The following STK17B variants were observed in gnomAD, a reference collection of about 807,000 sequenced individuals.
The protein encoded by STK17B is serine/threonine-protein kinase 17B.
In STK17B, 21 loss-of-function variants were observed where a neutral mutation model predicts 42.0. That is an observed-to-expected ratio of 0.50 (90% CI 0.35 to 0.72). The LOEUF (loss-of-function observed/expected upper bound fraction) is 0.72. Ranked by LOEUF, STK17B falls within the 30% of genes least tolerant of loss-of-function variation. The pLI is 0.00. For missense variants in STK17B, 349 were observed against 446.0 expected, an observed-to-expected ratio of 0.78 and a Z score of 1.96; for synonymous variants, 143 against 148.4, an observed-to-expected ratio of 0.96 and a Z score of 0.26.
intron 4 of STK17B, among the ~76,000 whole-genome samples, chr2:196,144,677 AAG>A (rs1192424943): frequency 6.6e-6 from 1 of 152,022 alleles, no homozygotes; most frequent in East Asian, 1.9e-4. Flanking sequence ...CTTAGACAAT[AAG>A]AGGGCATAGT....
rs529006653 is a variant in STK17B at position 196,143,110 on chromosome 2, A to T, written c.607+450T>A. Among the ~76,000 whole-genome samples, 76 of 152,322 alleles carry T rather than the reference A, an allele frequency of 5.0e-4. 1 individual carries two copies. The highest frequency in any genetic ancestry group is 4.1e-3 in the Admixed American group (62 of 15,300). ...ACAAAAATGAGGTGGCCGGCTAACA[A>T]TTCCTGTAAGTTTAAACTGAAGATA... On this transcript the variant is annotated intron_variant, in intron 5 of 7. Coordinates refer to ENST00000263955, the MANE Select transcript of STK17B (RefSeq NM_004226.4).
intron 1 of STK17B, among the ~76,000 whole-genome samples, chr2:196,166,792 T>C (rs552946425): frequency 3.7e-4 from 57 of 152,334 alleles, no homozygotes; most frequent in African/African-American, 1.3e-3. Context: ...CAAGACTATC[T>C]CTATAAACCT....
intron 3 of STK17B, among the ~76,000 whole-genome samples, chr2:196,150,619 A>G (rs1329240633): frequency 5.3e-5 from 8 of 152,334 alleles, no homozygotes; most frequent in African/African-American, 1.2e-4. Flanking sequence ...GAGAGCCAAG[A>G]TTTTCAGTAA....
intron 1 of STK17B, among the ~76,000 whole-genome samples, chr2:196,170,307 T>C (rs986753560): frequency 3.9e-5 from 6 of 152,200 alleles, no homozygotes; most frequent in Non-Finnish European, 8.8e-5. Context: ...AAACGTAAAG[T>C]GGCCACACCA....
intron 2 of STK17B, 60 bp from the exon 3 acceptor site, chr2:196,156,711 T>C (rs993668951): frequency 2.3e-6 from 3 of 1,299,406 alleles, no homozygotes; most frequent in Admixed American, 2.2e-5. Context: ...GTTAGTATAT[T>C]ACAGATTCTG....
rs1325824077 is a variant in STK17B at position 196,136,002 on chromosome 2, A to T, written c.*1445T>A. The T allele has an allele frequency of 6.6e-6, 1 of 152,172 alleles. No individual in the cohort carries two copies. Among genetic ancestry groups the T allele is most frequent in the Non-Finnish European group, 1.5e-5 (1 of 68,046 alleles). 9.4% of individuals were successfully genotyped at this position (152,172 alleles called of 1,614,324 possible). ...AGGAATTCACCATGTGGTCAAATAA[A>T]GTGACCTGATAGTTATTCAAAAAGT... On this transcript the variant is annotated 3_prime_UTR_variant, in exon 8 of 8. Transcript: ENST00000263955.
Position 196,138,122 on chromosome 2 carries a change from C to T in STK17B, c.837-393G>A, listed in dbSNP as rs552512529. Among the ~76,000 whole-genome samples the T allele has an allele frequency of 1.1e-4, 17 of 152,260 alleles. 1 individual carries two copies. The South Asian group carries it at 3.5e-3, about 32-fold the overall frequency. On this transcript the variant is annotated intron_variant, in intron 7 of 7. Transcript: ENST00000263955. The stretch of plus-strand genomic sequence containing the variant: ...TCGTCTGTGCTTTTAAGCATTACAC[C>T]ATATTATCTCTCATGAAGATAAAAA...
chr2:196,137,547 T>C lies in STK17B; in HGVS notation c.1019A>G (p.Lys340Arg). The change falls in exon 8 of 8, where the codon AAA (lysine) becomes AGA (arginine). Residue 340 changes from lysine (K) to arginine (R), a missense_variant. By Grantham distance (26) the Lys-to-Arg change is conservative. Around this residue, in one of 3 missense-constraint regions of STK17B, gnomAD observed 87 missense variants for 78.8 expected, o/e 1.10. Transcript: ENST00000263955. ...GCTGCTATCCTCTGGGATATTCTCT[T>C]TGTCTTCTCTATCACCACAGGTTCC... Reference protein sequence around the residue: ...CNGTCGDREDKENIPEDSSMV... With the variant: ...CNGTCGDREDRENIPEDSSMV... 1.2e-6 allele frequency: 2 copies of C among 1,614,116 alleles called. No individual in the cohort carries two copies. Among genetic ancestry groups the C allele is most frequent in the African/African-American group, 2.7e-5 (2 of 75,060 alleles).
Position 196,133,814 on chromosome 2 carries a change from AG to A in STK17B, c.*3632del, listed in dbSNP as rs1699356528. The A allele has an allele frequency of 6.6e-6, 1 of 152,230 alleles. No individual in the cohort carries two copies. The highest frequency in any genetic ancestry group is 2.1e-4 in the South Asian group (1 of 4,834). 9.4% of individuals were successfully genotyped at this position (152,230 alleles called of 1,614,324 possible). On this transcript the variant is annotated 3_prime_UTR_variant, in exon 8 of 8. Coordinates refer to ENST00000263955, the MANE Select transcript of STK17B (RefSeq NM_004226.4). Reference sequence around the variant, plus strand: ...AATGTCTGTCTATATGCCTTAAGCAAGATTATTATTTAATAAAATATGGCAG... The same window carrying A: ...AATGTCTGTCTATATGCCTTAAGCAAATTATTATTTAATAAAATATGGCAG...
At chr2:196,153,730 A>C (rs1399113638) in intron 3 of STK17B, 1 of 152,138 alleles carries the variant, frequency 6.6e-6, no homozygotes, top group Non-Finnish European at 1.5e-5. Flanking sequence ...ATTATATCAA[A>C]AGGACATAGG....
chr2:196,159,590 A>G (rs1345614968), intron 2 of STK17B, among the ~76,000 whole-genome samples: 1 of 152,188 alleles, frequency 6.6e-6, no homozygotes, highest in Non-Finnish European at 1.5e-5. Context: ...GAAATTTTAC[A>G]GGCATGAGCC....
At chr2:196,161,355 A>G (rs1171054648) in intron 2 of STK17B, among the ~76,000 whole-genome samples, 2 of 152,042 alleles carry the variant, frequency 1.3e-5, no homozygotes, top group Non-Finnish European at 2.9e-5. Context: ...AAGATTTAGA[A>G]CAATTTCTTA....
chr2:196,174,361 A>G (rs1412221994), upstream of STK17B: 1 of 152,312 alleles, frequency 6.6e-6, no homozygotes, highest in East Asian at 1.9e-4. Flanking sequence ...CATACTGACC[A>G]CATAATGATC....
chr2:196,163,732 A>C (rs569265410), intron 1 of STK17B, among the ~76,000 whole-genome samples: 1 of 152,154 alleles, frequency 6.6e-6, no homozygotes, highest in African/African-American at 2.4e-5. Context: ...ATAAAACTCC[A>C]TTCTTTAAAG....
chr2:196,140,807 C>T (rs528989168), intron 6 of STK17B, among the ~76,000 whole-genome samples: 2 of 152,196 alleles, frequency 1.3e-5, no homozygotes, highest in East Asian at 1.9e-4. Context: ...TGATGATCCA[C>T]CTGCCTTGGC....
intron 3 of STK17B, among the ~76,000 whole-genome samples, chr2:196,155,426 T>C (rs1157992033): frequency 6.6e-6 from 1 of 152,190 alleles, no homozygotes; most frequent in Non-Finnish European, 1.5e-5. Context: ...ACAAGTTGAT[T>C]CCAGCCAATC....
At chr2:196,170,813 TC>T (rs1162303990) in intron 1 of STK17B, 1 of 152,162 alleles carries the variant, frequency 6.6e-6, no homozygotes, top group Non-Finnish European at 1.5e-5. Flanking sequence ...ACTGAAAACG[TC>T]CCACAAGATG....
In STK17B at chr2:196,145,944, T is replaced by C. The variant is rs1025697292; in HGVS notation, c.447A>G (p.Leu149=). 1.3e-5 allele frequency: 20 copies of C among 1,595,390 alleles called. No homozygotes were observed. Among genetic ancestry groups the C allele is most frequent in the Non-Finnish European group, 1.6e-5 (19 of 1,175,260 alleles). Residue 149 remains leucine, a synonymous_variant, in exon 4 of 8, where the codon CTA becomes CTG. Transcript: ENST00000263955. ...IKQILEGVYY[L]HQNNIVHLDL... is the part of the protein sequence containing the mutation. Reference sequence around the variant, plus strand: ...CAAGGTGTACAATGTTATTCTGATGTAGATAATAAACTCCTTCAAGTATTT... The same window carrying C: ...CAAGGTGTACAATGTTATTCTGATGCAGATAATAAACTCCTTCAAGTATTT...
At chr2:196,144,030 A>G (rs1414202525) in intron 4 of STK17B, among the ~76,000 whole-genome samples, 1 of 152,034 alleles carries the variant, frequency 6.6e-6, no homozygotes, top group Non-Finnish European at 1.5e-5. Context: ...TTAAAAGAGT[A>G]TGCTGGTTAG....
Sources: gnomAD v4.1 joint callset for allele counts (sites outside exome capture counted in the v4.1 genomes callset) on GRCh38, gnomAD v4.1.1 for gene constraint, gnomAD v4.1.1 regional missense constraint, MANE v1.5 for transcripts, NCBI Gene and HGNC (gene_info 2026-07-23, HGNC 2026-07-21) for gene names.